STAT5A: variants seen among roughly 807,000 people sequenced by gnomAD.
The protein encoded by STAT5A is signal transducer and activator of transcription 5A, also known as epididymis secretory sperm binding protein.
A neutral mutation model predicts 100.2 loss-of-function variants in STAT5A; 26 were observed. The observed-to-expected ratio is 0.26, with a 90% CI of 0.19 to 0.36. The LOEUF is 0.36. STAT5A is among the 10% of genes least tolerant of loss of function. The probability of loss-of-function intolerance (pLI) is 1.00; values close to 1 mark genes in which losing one functional copy is unlikely to be tolerated. For synonymous variants in STAT5A, 330 were observed against 424.3 expected (o/e 0.78, Z 2.73); for missense variants, 634 against 1,027.5 (o/e 0.62, Z 5.24).
chr17:42,301,140 G>A (rs1332948219), intron 8 of STAT5A, 135 bp from the exon 9 acceptor site: 2 of 1,441,794 alleles, frequency 1.4e-6, no homozygotes, highest in Non-Finnish European at 1.9e-6. Context: ...AGCTTCCCCG[G>A]GAACAGAGGT....
Position 42,308,656 on chromosome 17 carries a change from C to T in STAT5A, c.2062+323C>T, listed in dbSNP as rs1426067430. 2.0e-6 allele frequency: 1 copy of T among 490,556 alleles called. No individual in the cohort carries two copies. The highest frequency in any genetic ancestry group is 2.3e-5 in the South Asian group (1 of 44,050). The allele number at this position is 490,556 out of a possible 1,614,324, so 30.4% of individuals were successfully genotyped here. ...CCACAGATAGTGCTCCGCTCCCCAC[C>T]TCACCAGCTGCTCTCCACACCCTGC... On this transcript the variant is annotated intron_variant, in intron 16 of 18. Transcript: ENST00000590949. The surrounding 1 kb of genome is among the most constrained non-coding windows in gnomAD (Gnocchi z 4.6).
chr17:42,310,977 G>A lies in STAT5A; in HGVS notation c.*308G>A, dbSNP rs533340922. 3.2e-5 allele frequency: 12 copies of A among 379,798 alleles called. No homozygotes were observed. The East Asian group carries it at 5.8e-4, about 18-fold the overall frequency. The allele number at this position is 379,798 out of a possible 1,614,324, so 23.5% of individuals were successfully genotyped here. On this transcript the variant is annotated 3_prime_UTR_variant, in exon 19 of 19. Transcript: ENST00000590949. ...ATGCAGCCAGACCTATTCCTCCTGG[G>A]CCCCTCATCTGCTCAGCAGCTATTT...
chr17:42,295,272 G>T (rs2080907932), intron 4 of STAT5A, among the ~76,000 whole-genome samples: 1 of 152,136 alleles, frequency 6.6e-6, no homozygotes, highest in Admixed American at 6.5e-5. Flanking sequence ...AAACCCAGGT[G>T]ACACCTGGGA....
In STAT5A at chr17:42,308,864, G is replaced by T; in HGVS notation, c.2063-183G>T. The stretch of plus-strand genomic sequence containing the variant: ...CAGAAGGAATGGGATTCAAGCCAGG[G>T]GTCTCAGTGACCCTCAGGCAGGATT... On this transcript the variant is annotated intron_variant, in intron 16 of 18. Transcript: ENST00000590949. This position sits in a 1 kb window ranked among gnomAD's most constrained non-coding sequence, Gnocchi z 4.6. The T allele has an allele frequency of 1.4e-6, 1 of 698,342 alleles. No homozygotes were observed. The allele number at this position is 698,342 out of a possible 1,614,324, so 43.3% of individuals were successfully genotyped here. A position where few individuals can be genotyped will look rare whatever the true frequency, so the allele number is the denominator to read the frequency against.
chr17:42,301,507 C>T, intron 9 of STAT5A, 53 bp downstream of exon 9: 1 of 1,603,438 alleles, frequency 6.2e-7, no homozygotes, highest in Non-Finnish European at 8.5e-7. Context: ...GGGACCTGCA[C>T]CCCCCGCTTT....
intron 5 of STAT5A, among the ~76,000 whole-genome samples, chr17:42,296,030 C>T (rs2080915212): frequency 6.6e-6 from 1 of 152,188 alleles, no homozygotes; most frequent in Non-Finnish European, 1.5e-5. Flanking sequence ...CCCCCTTTTG[C>T]AGATGGTAAA....
intron 5 of STAT5A, 24 bp from the exon 6 acceptor site, chr17:42,299,727 A>C (rs776835508): frequency 6.2e-7 from 1 of 1,614,134 alleles, no homozygotes; most frequent in African/African-American, 1.3e-5. Flanking sequence ...GGTGATGGTC[A>C]TGGTTTCCTC....
rs192609561 is a variant in STAT5A, at chr17:42,301,819, G to C, written c.1169+365G>C. On this transcript the variant is annotated intron_variant, in intron 9 of 18. Coordinates refer to ENST00000590949, the MANE Select transcript of STAT5A (RefSeq NM_001288718.2). ...TCATGTCAAACCATCATTAAATCTG[G>C]GACAGATGGTACACTGCCTTCCTCC... 7.2e-3 allele frequency among the ~76,000 whole-genome samples: 1,094 copies of C among 152,256 alleles called. 13 individuals carry two copies. The highest frequency in any genetic ancestry group is 0.033 in the South Asian group (158 of 4,830).
chr17:42,305,838 G>T, intron 12 of STAT5A, 136 bp downstream of exon 12: 2 of 915,434 alleles, frequency 2.2e-6, no homozygotes, highest in Non-Finnish European at 3.2e-6. Context: ...GAGGCCAGAA[G>T]GGCTGGGGTG....
At chr17:42,301,491 G>T in intron 9 of STAT5A, 37 bp downstream of exon 9, 1 of 1,612,352 alleles carries the variant, frequency 6.2e-7, no homozygotes, top group Middle Eastern at 1.7e-4. Context: ...CCAAGCTTAG[G>T]TGTGGGGGAC....
Position 42,304,399 on chromosome 17 carries a change from G to A in STAT5A, c.1227G>A (p.Thr409=), listed in dbSNP as rs779135562. Residue 409 remains threonine, a synonymous_variant, in exon 10 of 19, where the codon ACG becomes ACA. Coordinates refer to ENST00000590949, the MANE Select transcript of STAT5A (RefSeq NM_001288718.2). The surrounding 1 kb of genome is among the most constrained non-coding windows in gnomAD (Gnocchi z 4.8). ...NCCVMEYHQA[T]GTLSAHFRNM... ...GCGTGATGGAGTACCACCAAGCCAC[G>A]GGCACCCTCAGTGCCCACTTCAGGA... The A allele has an allele frequency of 1.2e-5, 19 of 1,614,090 alleles. No individual in the cohort carries two copies. Among genetic ancestry groups the A allele is most frequent in the African/African-American group, 1.1e-4 (8 of 74,926 alleles).
rs780160492 is a variant in STAT5A, at chr17:42,310,541, G to C, written c.2257G>C (p.Asp753His). The change falls in exon 19 of 19, where the codon GAC (aspartate) becomes CAC (histidine). Residue 753 changes from aspartate (D) to histidine (H), a missense_variant. Physicochemically the swap from Asp to His is moderately conservative, Grantham distance 81 (BLOSUM62 -1). Coordinates refer to ENST00000590949, the MANE Select transcript of STAT5A (RefSeq NM_001288718.2). ...DHVLDQDGEF[D>H]LDETMDVARH... ...TGTACTCGATCAGGATGGAGAATTC[G>C]ACCTGGATGAGACCATGGATGTGGC... The C allele has an allele frequency of 3.0e-5, 49 of 1,614,058 alleles. No homozygotes were observed. Among genetic ancestry groups the C allele is most frequent in the Non-Finnish European group, 3.9e-5 (46 of 1,180,042 alleles).
intron 18 of STAT5A, 99 bp downstream of exon 18, chr17:42,309,583 G>T (rs1463854099): frequency 2.4e-6 from 3 of 1,274,602 alleles, no homozygotes; most frequent in African/African-American, 1.5e-5. Context: ...CAGAGCTCTG[G>T]TTAGGCCCAA....
rs2144560372 is a variant in STAT5A at position 42,308,224 on chromosome 17, C to T, written c.1953C>T (p.Phe651=). ...WNLKPFTTRD[F]SIRSLADRLG... ...TGAAACCATTCACCACGCGGGATTT[C>T]TCCATCAGGTCCCTGGCTGACCGGC... Residue 651 remains phenylalanine, a synonymous_variant, in exon 16 of 19, where the codon TTC becomes TTT. Coordinates refer to ENST00000590949, the MANE Select transcript of STAT5A (RefSeq NM_001288718.2). The surrounding 1 kb of genome is among the most constrained non-coding windows in gnomAD (Gnocchi z 4.6). 6.2e-7 allele frequency: 1 copy of T among 1,614,234 alleles called. No homozygotes were observed. Among genetic ancestry groups the T allele is most frequent in the Middle Eastern group, 1.6e-4 (1 of 6,062 alleles).
chr17:42,309,448 T>C lies in STAT5A; in HGVS notation c.2186T>C (p.Val729Ala). The C allele has an allele frequency of 6.2e-7, 1 of 1,613,938 alleles. No homozygotes were observed. Among genetic ancestry groups the C allele is most frequent in the Admixed American group, 1.7e-5 (1 of 60,014 alleles). Residue 729 changes from valine (V) to alanine (A), a missense_variant, in exon 18 of 19, where the codon GTG (valine) becomes GCG (alanine). Val to Ala is a moderately conservative substitution (Grantham distance 64). Coordinates refer to ENST00000590949, the MANE Select transcript of STAT5A (RefSeq NM_001288718.2). ...TYMDQAPSPA[V>A]CPQAPYNMYP... ...ATGGACCAGGCCCCCTCCCCAGCTG[T>C]GTGCCCCCAGGCTCCCTATAACATG...
intron 4 of STAT5A, 93 bp downstream of exon 4, chr17:42,292,154 A>T (rs2080875322): frequency 1.4e-6 from 2 of 1,452,918 alleles, no homozygotes; most frequent in Admixed American, 3.7e-5. Context: ...AAACAGCAGC[A>T]CGAGGAGAGC....
At chr17:42,295,238 G>A (rs1373998860) in intron 4 of STAT5A, among the ~76,000 whole-genome samples, 1 of 151,864 alleles carries the variant, frequency 6.6e-6, no homozygotes, top group Non-Finnish European at 1.5e-5. Context: ...AATGTAGAGC[G>A]AGGGGTCATC....
At position 42,292,022 on chromosome 17, in the gene STAT5A, T is replaced by G; in HGVS notation, c.336T>G (p.Ile112Met). Residue 112 changes from isoleucine to methionine, a missense_variant, in exon 4 of 19, where the codon ATT becomes ATG. By Grantham distance (10) the Ile-to-Met change is conservative. Around this residue, in one of 5 missense-constraint regions of STAT5A, gnomAD observed 207 missense variants for 256.6 expected, o/e 0.81. Coordinates refer to ENST00000590949, the MANE Select transcript of STAT5A (RefSeq NM_001288718.2). ...PLELVRCIRH[I>M]LYNEQRLVRE... is the part of the protein sequence containing the mutation. ...AGCTGGTCCGCTGCATCCGGCACAT[T>G]CTGTACAATGAACAGAGGCTGGTCC... 1 of 1,614,016 alleles carries G rather than the reference T, an allele frequency of 6.2e-7. No individual in the cohort carries two copies. Among genetic ancestry groups the G allele is most frequent in the Non-Finnish European group, 8.5e-7 (1 of 1,179,934 alleles).
intron 5 of STAT5A, among the ~76,000 whole-genome samples, chr17:42,297,194 C>T (rs2080927133): frequency 1.3e-5 from 2 of 152,088 alleles, no homozygotes; most frequent in Admixed American, 1.3e-4. Context: ...GCCTCGGCCT[C>T]CCAAAGTGCT....
Sources: gnomAD v4.1 joint callset for allele counts (sites outside exome capture counted in the v4.1 genomes callset) on GRCh38, gnomAD v4.1.1 for gene constraint, gnomAD v4.1.1 regional missense constraint, Gnocchi (gnomAD v3.1) non-coding constraint, MANE v1.5 for transcripts, NCBI Gene and HGNC (gene_info 2026-07-23, HGNC 2026-07-21) for gene names.